Variants in DNER observed in about 807,000 individuals in gnomAD.
DNER encodes delta/notch like EGF repeat containing.
A neutral mutation model predicts 78.2 loss-of-function variants in DNER; 33 were observed. That is an observed-to-expected ratio of 0.42 (90% CI 0.32 to 0.56). The LOEUF (loss-of-function observed/expected upper bound fraction) is 0.56. Among genes scored for constraint, DNER ranks in the 20% least tolerant of loss-of-function variants. The pLI, the probability that DNER is intolerant of heterozygous loss-of-function variation, is 0.11. For missense variants in DNER, 918 were observed against 975.3 expected (o/e 0.94, Z 0.78); for synonymous variants, 417 against 384.8 (o/e 1.08, Z -0.98).
At chr2:229,498,252 A>G (rs1164691136) in intron 6 of DNER, among the ~76,000 whole-genome samples, 1 of 152,220 alleles carries the variant, frequency 6.6e-6, no homozygotes, top group Non-Finnish European at 1.5e-5. Flanking sequence ...AACTCTTAAC[A>G]AACTAGGTAT....
intron 8 of DNER, among the ~76,000 whole-genome samples, chr2:229,419,475 T>C (rs537992394): frequency 3.3e-5 from 5 of 152,218 alleles, no homozygotes; most frequent in Non-Finnish European, 7.3e-5. Context: ...TTCCCTAGCC[T>C]TTCCAGCTCA....
chr2:229,410,094 T>A (rs1287621152), intron 9 of DNER, among the ~76,000 whole-genome samples: 1 of 151,814 alleles, frequency 6.6e-6, no homozygotes, highest in East Asian at 1.9e-4. Context: ...CTCTGAGGAG[T>A]CACCTTCTTT....
At chr2:229,553,717 T>C (rs1357089098) in intron 4 of DNER, among the ~76,000 whole-genome samples, 4 of 152,194 alleles carry the variant, frequency 2.6e-5, no homozygotes, top group East Asian at 1.9e-4. Context: ...CTATTGTGTA[T>C]GCCAGTTTCT....
intron 5 of DNER, among the ~76,000 whole-genome samples, chr2:229,525,008 A>C: frequency 6.6e-6 from 1 of 152,184 alleles, no homozygotes; most frequent in East Asian, 1.9e-4. Context: ...GTCTCCATGC[A>C]TCACTCTGAT....
Position 229,591,681 on chromosome 2 carries a change from G to A in DNER, c.484C>T (p.Pro162Ser). The A allele has an allele frequency of 6.2e-7, 1 of 1,614,208 alleles. No individual in the cohort carries two copies. Among genetic ancestry groups the A allele is most frequent in the Non-Finnish European group, 8.5e-7 (1 of 1,180,026 alleles). ...QLQPVPATQE[P>S]DKILPRSQAT... Reference sequence around the variant, plus strand: ...TGAGAGCGAGGCAGGATTTTGTCAGGCTCCTGAGTAGCAGGAACAGGCTGA... The same window carrying A: ...TGAGAGCGAGGCAGGATTTTGTCAGACTCCTGAGTAGCAGGAACAGGCTGA... Residue 162 changes from proline to serine, a missense_variant, in exon 2 of 13, where the codon CCT becomes TCT. Transcript: ENST00000341772. This position sits in a 1 kb window ranked among gnomAD's most constrained non-coding sequence, Gnocchi z 4.6.
intron 1 of DNER, among the ~76,000 whole-genome samples, chr2:229,695,790 C>G (rs527975741): frequency 6.6e-6 from 1 of 152,226 alleles, no homozygotes; most frequent in African/African-American, 2.4e-5. Flanking sequence ...CTGGAAGACC[C>G]CAAGTTCTGG....
chr2:229,539,964 T>G (rs373905874), intron 5 of DNER, among the ~76,000 whole-genome samples: 1 of 152,272 alleles, frequency 6.6e-6, no homozygotes, highest in East Asian at 1.9e-4. Context: ...CCAGTATGTA[T>G]CCTCCAGAGC....
intron 1 of DNER, among the ~76,000 whole-genome samples, chr2:229,633,809 G>A (rs768985221): frequency 3.9e-5 from 6 of 152,306 alleles, no homozygotes; most frequent in Non-Finnish European, 8.8e-5. Flanking sequence ...AGAGAGGTGC[G>A]CTCCAGCCAG....
At chr2:229,528,812 A>G (rs1696252546) in intron 5 of DNER, among the ~76,000 whole-genome samples, 1 of 152,214 alleles carries the variant, frequency 6.6e-6, no homozygotes. Context: ...AGTGCTAAAA[A>G]TTATCTAAAT....
intron 1 of DNER, among the ~76,000 whole-genome samples, chr2:229,660,074 G>A (rs902141068): frequency 6.6e-6 from 1 of 152,120 alleles, no homozygotes; most frequent in African/African-American, 2.4e-5. Flanking sequence ...TAGTAGAGGT[G>A]ACATTCTTCA....
At chr2:229,643,156 G>C (rs1432357765) in intron 1 of DNER, among the ~76,000 whole-genome samples, 1 of 152,158 alleles carries the variant, frequency 6.6e-6, no homozygotes, top group African/African-American at 2.4e-5. Context: ...AATGGAGGTT[G>C]CAGTGAACCA....
intron 1 of DNER, among the ~76,000 whole-genome samples, chr2:229,611,528 A>T (rs921758246): frequency 6.6e-6 from 1 of 152,256 alleles, no homozygotes; most frequent in Non-Finnish European, 1.5e-5. Context: ...TTCTAAAAGA[A>T]CCAAATAGCT....
At chr2:229,579,843 A>G (rs1394728948) in intron 4 of DNER, among the ~76,000 whole-genome samples, 1 of 151,896 alleles carries the variant, frequency 6.6e-6, no homozygotes, top group Non-Finnish European at 1.5e-5. Context: ...CCAGGGAAGC[A>G]TCACTATGCC....
intron 10 of DNER, among the ~76,000 whole-genome samples, chr2:229,395,714 C>T (rs1399627764): frequency 6.6e-6 from 1 of 152,122 alleles, no homozygotes; most frequent in Non-Finnish European, 1.5e-5. Context: ...CCCTGGCCAA[C>T]ATGGTAAAAC....
intron 4 of DNER, among the ~76,000 whole-genome samples, chr2:229,573,477 C>T (rs1463999013): frequency 6.6e-6 from 1 of 152,198 alleles, no homozygotes; most frequent in African/African-American, 2.4e-5. Flanking sequence ...ACAATTAAAA[C>T]TACCATGATT....
At chr2:229,524,007 T>C (rs555880262) in intron 5 of DNER, among the ~76,000 whole-genome samples, 18 of 152,370 alleles carry the variant, frequency 1.2e-4, no homozygotes, top group Non-Finnish European at 1.3e-4. Context: ...AATGCAGTTA[T>C]CCTCATAGCT....
Position 229,547,019 on chromosome 2 carries a change from A to G in DNER, c.921T>C (p.Cys307=), listed in dbSNP as rs767858607. Residue 307 remains cysteine, a synonymous_variant, in exon 5 of 13, where the codon TGT becomes TGC. Coordinates refer to ENST00000341772, the MANE Select transcript of DNER (RefSeq NM_139072.4). ...CATTTGCGTGACTCTCCCCCGGCAC[A>G]CAGGTGCTGACCTTCACCACCAGAG... ...RLTLVVKVST[C]VPGESHANDL... The G allele has an allele frequency of 3.8e-5, 62 of 1,614,094 alleles. No homozygotes were observed. Among genetic ancestry groups the G allele is most frequent in the Non-Finnish European group, 5.1e-5 (60 of 1,180,026 alleles).
At chr2:229,397,468 A>AAAAAAAAAAAAAC (rs1304526043) in intron 10 of DNER, among the ~76,000 whole-genome samples, 1 of 150,408 alleles carries the variant, frequency 6.6e-6, no homozygotes, top group Non-Finnish European at 1.5e-5. Context: ...CACTACAAAA[A>AAAAAAAAAAAAAC]AAAAAAAAAA....
At chr2:229,417,607 C>T (rs1693679920) in intron 9 of DNER, among the ~76,000 whole-genome samples, 1 of 151,922 alleles carries the variant, frequency 6.6e-6, no homozygotes. Flanking sequence ...GAGCTATGCA[C>T]ATTAGGGGTT....
Sources: allele counts gnomAD v4.1 joint callset (sites outside exome capture counted in the v4.1 genomes callset), GRCh38; gene constraint gnomAD v4.1.1; non-coding constraint Gnocchi (gnomAD v3.1); transcripts MANE v1.5; gene names NCBI Gene and HGNC (gene_info 2026-07-23, HGNC 2026-07-21).